The following CSPP1 variants were observed in gnomAD, a reference collection of about 807,000 sequenced individuals.
The protein encoded by CSPP1 is centrosome and spindle pole-associated protein 1.
Under a neutral mutation model 164.4 loss-of-function variants are expected in CSPP1, and 126 were observed. That is an observed-to-expected ratio of 0.77 (90% CI 0.66 to 0.89). CSPP1 has a LOEUF of 0.89. Among genes scored for constraint, CSPP1 ranks in the 40% least tolerant of loss-of-function variants. The pLI, the probability that CSPP1 is intolerant of heterozygous loss-of-function variation, is 0.00. For missense variants in CSPP1, 1,395 were observed against 1,449.8 expected (o/e 0.96, Z 0.61); for synonymous variants, 472 against 476.7 (o/e 0.99, Z 0.13).
At chr8:67,097,583 T>C (rs1165044557) in intron 7 of CSPP1, among the ~76,000 whole-genome samples, 1 of 152,164 alleles carries the variant, frequency 6.6e-6, no homozygotes, top group Non-Finnish European at 1.5e-5. Context: ...ATGTCTCCTT[T>C]GTACATGAGA....
chr8:67,113,061 C>T (rs1586201220), intron 10 of CSPP1, among the ~76,000 whole-genome samples: 1 of 152,050 alleles, frequency 6.6e-6, no homozygotes, highest in Non-Finnish European at 1.5e-5. Context: ...CTGGCTAACA[C>T]GGTGAAACCC....
At chr8:67,065,515 C>T in intron 1 of CSPP1, 1 of 979,996 alleles carries the variant, frequency 1.0e-6, no homozygotes, top group Non-Finnish European at 1.2e-6. Flanking sequence ...GTAATGTTGA[C>T]AAGCTCCATG....
chr8:67,130,056 T>A (rs1290252432), intron 15 of CSPP1, among the ~76,000 whole-genome samples: 2 of 152,170 alleles, frequency 1.3e-5, no homozygotes, highest in Non-Finnish European at 2.9e-5. Flanking sequence ...GAAAGTACAA[T>A]ATTTGTGGGA....
At chr8:67,191,566 T>C (rs1185986037) in intron 29 of CSPP1, among the ~76,000 whole-genome samples, 1 of 152,242 alleles carries the variant, frequency 6.6e-6, no homozygotes, top group East Asian at 1.9e-4. Flanking sequence ...TTGTCTTTCT[T>C]TTGAAGGTCA....
chr8:67,164,354 C>T (rs1246492960), intron 23 of CSPP1, 37 bp from the exon 24 acceptor site: 2 of 959,710 alleles, frequency 2.1e-6, no homozygotes, highest in Admixed American at 1.8e-5. Flanking sequence ...TGTTCTTATT[C>T]CTGTCTTGTG....
chr8:67,175,141 T>TA, intron 25 of CSPP1, 155 bp from the exon 26 acceptor site: 3 of 634,668 alleles, frequency 4.7e-6, no homozygotes, highest in Non-Finnish European at 5.7e-6. Context: ...GTTTTGTGGC[T>TA]ATTTTACTGT....
intron 4 of CSPP1, chr8:67,086,891 T>G: frequency 1.0e-6 from 1 of 957,886 alleles, no homozygotes; most frequent in Non-Finnish European, 1.4e-6. Context: ...TTTCTTTCTT[T>G]TTTTTTTTTT....
In CSPP1 at chr8:67,090,857, G is replaced by A. The variant is rs948088872; in HGVS notation, c.304-946G>A. 3.3e-5 allele frequency among the ~76,000 whole-genome samples: 5 copies of A among 152,162 alleles called. No individual in the cohort carries two copies. In the East Asian group the frequency reaches 9.6e-4, roughly 29 times the overall value. ...GGAATTAGGCAGGTTGACAATTATT[G>A]ATTGATTTTATCCTTATAACCTAGT... On this transcript the variant is annotated intron_variant, in intron 4 of 30. Transcript: ENST00000678616.
chr8:67,185,737 T>A (rs1184434503), intron 28 of CSPP1, among the ~76,000 whole-genome samples: 2 of 151,890 alleles, frequency 1.3e-5, no homozygotes, highest in African/African-American at 4.8e-5. Flanking sequence ...CTGAAGATGA[T>A]GAAGATGATG....
intron 24 of CSPP1, among the ~76,000 whole-genome samples, chr8:67,167,799 C>T (rs1829723766): frequency 1.3e-5 from 2 of 152,076 alleles, no homozygotes; most frequent in South Asian, 4.2e-4. Context: ...AAGAGGTGCT[C>T]CTCACTTCCC....
chr8:67,159,906 T>C lies in CSPP1; in HGVS notation c.2538+769T>C, dbSNP rs1333129089. Reference sequence around the variant, plus strand: ...TTTCTTTCTTTCTTTCTTTCTTTCTTTCTTTCTTTCTTTCTTTCCTTTCCT... The same window carrying C: ...TTTCTTTCTTTCTTTCTTTCTTTCTCTCTTTCTTTCTTTCTTTCCTTTCCT... On this transcript the variant is annotated intron_variant, in intron 21 of 30. Transcript: ENST00000678616. 4.8e-4 allele frequency among the ~76,000 whole-genome samples: 33 copies of C among 69,094 alleles called. 3 individuals are homozygous for C. The highest frequency in any genetic ancestry group is 9.1e-4 in the Admixed American group (6 of 6,578). 45.3% of individuals were successfully genotyped at this position (69,094 alleles called of 152,430 possible).
chr8:67,075,225 G>T (rs1807661070), intron 2 of CSPP1, among the ~76,000 whole-genome samples: 1 of 152,218 alleles, frequency 6.6e-6, no homozygotes, highest in African/African-American at 2.4e-5. Context: ...ACTGATTAGA[G>T]TGTTGTGGCA....
intron 4 of CSPP1, among the ~76,000 whole-genome samples, chr8:67,090,313 C>A (rs994173122): frequency 4.6e-5 from 7 of 152,070 alleles, no homozygotes; most frequent in Admixed American, 3.3e-4. Context: ...GAGACAGATT[C>A]TCACTCTGTC....
At chr8:67,194,985 A>AAAAAG (rs929325398) in intron 30 of CSPP1, among the ~76,000 whole-genome samples, 2 of 151,768 alleles carry the variant, frequency 1.3e-5, no homozygotes, top group East Asian at 1.9e-4. Context: ...TAAAAAAAAT[A>AAAAAG]AAAAGAAAAA....
At chr8:67,123,683 C>T (rs903088912) in intron 15 of CSPP1, among the ~76,000 whole-genome samples, 1 of 150,498 alleles carries the variant, frequency 6.6e-6, no homozygotes, top group Non-Finnish European at 1.5e-5. Flanking sequence ...GATCACAGAG[C>T]TCACTGCAGC....
intron 4 of CSPP1, among the ~76,000 whole-genome samples, chr8:67,088,015 A>G (rs1015247025): frequency 1.3e-5 from 2 of 152,162 alleles, no homozygotes; most frequent in African/African-American, 4.8e-5. Flanking sequence ...ATAAAAATTC[A>G]AATTCCTTAG....
chr8:67,192,071 T>G (rs1182812140), intron 29 of CSPP1, among the ~76,000 whole-genome samples: 2 of 141,864 alleles, frequency 1.4e-5, no homozygotes, highest in Non-Finnish European at 3.1e-5. Flanking sequence ...GATTTGTTTT[T>G]TTTTTTGTTT....
intron 16 of CSPP1, 57 bp downstream of exon 16, chr8:67,132,137 C>T: frequency 6.7e-7 from 1 of 1,501,846 alleles, no homozygotes; most frequent in Admixed American, 2.1e-5. Flanking sequence ...CATGGTGGTC[C>T]CTTAGAGCTC....
In CSPP1 at chr8:67,193,495, G is replaced by C. The variant is rs1274510744; in HGVS notation, c.3362G>C (p.Gly1121Ala). 6.2e-7 allele frequency: 1 copy of C among 1,613,254 alleles called. No homozygotes were observed. Among genetic ancestry groups the C allele is most frequent in the Non-Finnish European group, 8.5e-7 (1 of 1,179,336 alleles). ...DSSRPNVAPD[G>A]LSLKSISSVN... is the part of the protein sequence containing the mutation. ...AGTCGTCCTAATGTAGCACCAGATG[G>C]TCTCTCTCTAAAATCTATATCCAGT... The change falls in exon 30 of 31, where the codon GGT (glycine) becomes GCT (alanine). Residue 1121 changes from glycine to alanine, a missense_variant. Physicochemically the swap from Gly to Ala is moderately conservative, Grantham distance 60. Coordinates refer to ENST00000678616, the MANE Select transcript of CSPP1 (RefSeq NM_001382391.1).
Sources: gnomAD v4.1 joint callset for allele counts (sites outside exome capture counted in the v4.1 genomes callset) on GRCh38, gnomAD v4.1.1 for gene constraint, MANE v1.5 for transcripts, NCBI Gene and HGNC (gene_info 2026-07-23, HGNC 2026-07-21) for gene names.